ALDH1A1: variants seen among roughly 807,000 people sequenced by gnomAD.
The protein encoded by ALDH1A1 is aldehyde dehydrogenase 1 family member A1.
ALDH1A1 carries 19 observed loss-of-function variants against 62.1 expected under a neutral mutation model. The observed-to-expected ratio is 0.31, with a 90% CI of 0.21 to 0.45. The LOEUF (loss-of-function observed/expected upper bound fraction) is 0.45. Among genes scored for constraint, ALDH1A1 ranks in the 20% least tolerant of loss-of-function variants. The probability of loss-of-function intolerance (pLI) is 1.00; values close to 1 mark genes in which losing one functional copy is unlikely to be tolerated. For missense variants in ALDH1A1, 521 were observed against 607.1 expected (o/e 0.86, Z 1.49); for synonymous variants, 231 against 215.9 (o/e 1.07, Z -0.61).
chr9:72,951,332 T>C (rs1830542540), intron 1 of ALDH1A1, among the ~76,000 whole-genome samples: 1 of 151,856 alleles, frequency 6.6e-6, no homozygotes, highest in South Asian at 2.1e-4. Context: ...CTAGTACCGC[T>C]TCTTACATGC....
chr9:72,918,690 C>T (rs1366321833), intron 8 of ALDH1A1, 30 bp downstream of exon 8: 4 of 1,204,260 alleles, frequency 3.3e-6, no homozygotes, highest in East Asian at 4.4e-5. Flanking sequence ...CGATGAAGGA[C>T]GAAAAGTTAA....
chr9:72,924,825 T>C (rs1830184120), intron 6 of ALDH1A1, among the ~76,000 whole-genome samples: 1 of 152,360 alleles, frequency 6.6e-6, no homozygotes, highest in African/African-American at 2.4e-5. Flanking sequence ...TTTAAGTTTC[T>C]AGTGATTAAC....
intron 2 of ALDH1A1, among the ~76,000 whole-genome samples, chr9:72,933,553 C>G (rs1418770571): frequency 7.2e-6 from 1 of 139,768 alleles, no homozygotes; most frequent in Non-Finnish European, 1.5e-5. Flanking sequence ...CACCACTGCA[C>G]TCCAGCCTGG....
intron 6 of ALDH1A1, among the ~76,000 whole-genome samples, chr9:72,924,349 T>A (rs1208436700): frequency 6.6e-6 from 1 of 152,210 alleles, no homozygotes; most frequent in Non-Finnish European, 1.5e-5. Flanking sequence ...CAATTTCTTG[T>A]CAGGGTAAGT....
chr9:72,941,897 T>C lies in ALDH1A1; in HGVS notation c.67-1645A>G, dbSNP rs922542167. On this transcript the variant is annotated intron_variant, in intron 1 of 12. Coordinates refer to ENST00000297785, the MANE Select transcript of ALDH1A1 (RefSeq NM_000689.5). ...AGCCTGAAATTGATGGTAAAACACA[T>C]GGGCATGCCTAAATAAAGGGAAAAG... is the stretch of plus-strand genomic sequence containing the variant. Among the ~76,000 whole-genome samples, 7 of 152,044 alleles carry C rather than the reference T, an allele frequency of 4.6e-5. No individual in the cohort carries two copies. In the South Asian group the frequency reaches 1.5e-3, roughly 32 times the overall value.
intron 10 of ALDH1A1, among the ~76,000 whole-genome samples, chr9:72,910,425 C>T (rs1829968174): frequency 1.3e-5 from 2 of 152,100 alleles, no homozygotes; most frequent in Admixed American, 1.3e-4. Context: ...ACATTCTAAA[C>T]CATCCTATTC....
chr9:72,937,741 T>G (rs954456932), intron 2 of ALDH1A1, among the ~76,000 whole-genome samples: 7 of 152,146 alleles, frequency 4.6e-5, no homozygotes, highest in African/African-American at 1.7e-4. Flanking sequence ...AAAGAGGCCA[T>G]AAACAAAGGT....
At chr9:72,927,063 AGAAT>A (rs1830220939) in intron 5 of ALDH1A1, 49 bp downstream of exon 5, 1 of 1,278,064 alleles carries the variant, frequency 7.8e-7, no homozygotes, top group African/African-American at 1.5e-5. Context: ...ATCATTAGAT[AGAAT>A]AAGAACTCTT....
At chr9:72,921,596 C>A (rs1231221359) in intron 7 of ALDH1A1, among the ~76,000 whole-genome samples, 1 of 138,282 alleles carries the variant, frequency 7.2e-6, no homozygotes, top group Admixed American at 7.7e-5. Context: ...CATATGTATA[C>A]ATGTGCCATG....
At chr9:72,941,255 T>C (rs1296790413) in intron 1 of ALDH1A1, among the ~76,000 whole-genome samples, 1 of 152,124 alleles carries the variant, frequency 6.6e-6, no homozygotes, top group Non-Finnish European at 1.5e-5. Context: ...AAGTTATTAA[T>C]AGTTCAACCC....
At chr9:72,923,473 T>C (rs539611681) in intron 7 of ALDH1A1, among the ~76,000 whole-genome samples, 31 of 152,260 alleles carry the variant, frequency 2.0e-4, no homozygotes, top group African/African-American at 7.2e-4. Context: ...CTCTCCCTCC[T>C]GCCCGCCACT....
intron 1 of ALDH1A1, among the ~76,000 whole-genome samples, chr9:72,946,754 A>C (rs1830480717): frequency 6.6e-6 from 1 of 151,834 alleles, no homozygotes; most frequent in Admixed American, 6.6e-5. Flanking sequence ...ACCCCCCCAC[A>C]CCACCATCCC....
At chr9:72,942,240 T>C (rs1271979179) in intron 1 of ALDH1A1, 2 of 935,226 alleles carry the variant, frequency 2.1e-6, no homozygotes, top group East Asian at 1.2e-4. Flanking sequence ...ATTTATGCCC[T>C]TACAGCTTAG....
chr9:72,912,005 T>A lies in ALDH1A1; in HGVS notation c.1153A>T (p.Thr385Ser), dbSNP rs1272129136. 2 of 1,614,022 alleles carry A rather than the reference T, an allele frequency of 1.2e-6. No individual in the cohort carries two copies. Among genetic ancestry groups the A allele is most frequent in the East Asian group, 4.5e-5 (2 of 44,872 alleles). ...TCATCTGTAACATTAGAGAACACTGTGGGCTGGACAAAGTAGCCTTTATTC... is the reference window on the plus strand; with the variant it reads ...TCATCTGTAACATTAGAGAACACTGAGGGCTGGACAAAGTAGCCTTTATTC... ...WGNKGYFVQP[T>S]VFSNVTDEMR... Residue 385 changes from threonine to serine, a missense_variant, in exon 10 of 13, where the codon ACA becomes TCA. Physicochemically the swap from Thr to Ser is moderately conservative, Grantham distance 58. Coordinates refer to ENST00000297785, the MANE Select transcript of ALDH1A1 (RefSeq NM_000689.5).
chr9:72,926,071 G>C (rs1335152046), intron 5 of ALDH1A1, among the ~76,000 whole-genome samples: 1 of 152,204 alleles, frequency 6.6e-6, no homozygotes, highest in African/African-American at 2.4e-5. Flanking sequence ...CAGAGGCCAA[G>C]TACTTGGGTT....
chr9:72,929,795 A>G (rs915599268), intron 3 of ALDH1A1, among the ~76,000 whole-genome samples: 4 of 152,168 alleles, frequency 2.6e-5, no homozygotes, highest in Non-Finnish European at 5.9e-5. Context: ...TCATGTCAAA[A>G]TTTAACCAAA....
At chr9:72,929,174 G>C (rs545924397) in intron 3 of ALDH1A1, among the ~76,000 whole-genome samples, 153 bp from the exon 4 acceptor site, 1 of 152,154 alleles carries the variant, frequency 6.6e-6, no homozygotes. Flanking sequence ...GAGTTAAAAT[G>C]ACTTCCTTTA....
At chr9:72,950,355 TG>T (rs773962239) in intron 1 of ALDH1A1, among the ~76,000 whole-genome samples, 2 of 151,830 alleles carry the variant, frequency 1.3e-5, no homozygotes, top group Non-Finnish European at 2.9e-5. Flanking sequence ...ATGGAAAATG[TG>T]GGGTTCATTT....
At chr9:72,943,025 G>A (rs1830434452) in intron 1 of ALDH1A1, among the ~76,000 whole-genome samples, 1 of 152,058 alleles carries the variant, frequency 6.6e-6, no homozygotes, top group South Asian at 2.1e-4. Flanking sequence ...TTTTAAATCA[G>A]TCTTTCAAAA....
Sources: allele counts gnomAD v4.1 joint callset (sites outside exome capture counted in the v4.1 genomes callset), GRCh38; gene constraint gnomAD v4.1.1; transcripts MANE v1.5; gene names NCBI Gene and HGNC (gene_info 2026-07-23, HGNC 2026-07-21).